Variants in DNAI3 observed in about 807,000 individuals in gnomAD.
The protein encoded by DNAI3 is dynein axonemal intermediate chain 3.
DNAI3 carries 83 observed loss-of-function variants against 115.5 expected under a neutral mutation model. The observed-to-expected ratio is 0.72, with a 90% confidence interval of 0.60 to 0.86. The LOEUF is 0.86. Ranked by LOEUF, DNAI3 falls within the 40% of genes least tolerant of loss-of-function variation. The pLI, the probability that DNAI3 is intolerant of heterozygous loss-of-function variation, is 0.00. For synonymous variants in DNAI3, 320 were observed against 347.0 expected (o/e 0.92, Z 0.86); for missense variants, 1,004 against 1,075.8 (o/e 0.93, Z 0.93).
chr1:85,096,047 T>A, intron 11 of DNAI3, 27 bp downstream of exon 11: 1 of 1,598,288 alleles, frequency 6.3e-7, no homozygotes, highest in Middle Eastern at 1.7e-4. Flanking sequence ...TTTTCAGCTA[T>A]GTATTAATGT....
chr1:85,130,470 A>G (rs1374375485), intron 22 of DNAI3, among the ~76,000 whole-genome samples: 1 of 152,210 alleles, frequency 6.6e-6, no homozygotes, highest in African/African-American at 2.4e-5. Flanking sequence ...GTGGGCTCAA[A>G]TCCCAACTCT....
intron 19 of DNAI3, among the ~76,000 whole-genome samples, chr1:85,124,816 G>T (rs1187599104): frequency 6.6e-6 from 1 of 152,178 alleles, no homozygotes; most frequent in Non-Finnish European, 1.5e-5. Flanking sequence ...TTACAGGTGT[G>T]ACACCACACC....
At chr1:85,116,807 T>C (rs899840822) in intron 16 of DNAI3, among the ~76,000 whole-genome samples, 5 of 152,222 alleles carry the variant, frequency 3.3e-5, no homozygotes, top group Non-Finnish European at 2.9e-5. Flanking sequence ...ATACTCGTTT[T>C]TGATGTCTTA....
chr1:85,096,597 A>T (rs817490), intron 11 of DNAI3, among the ~76,000 whole-genome samples: 77,176 of 150,786 alleles, frequency 0.51, 20,357 homozygotes, highest in African/African-American at 0.63. Context: ...TCAAATTTAG[A>T]TCCTATCCTC....
chr1:85,063,189 G>A (rs34422870), intron 1 of DNAI3, among the ~76,000 whole-genome samples: 33,930 of 152,114 alleles, frequency 0.22, 3,951 homozygotes, highest in South Asian at 0.28. Flanking sequence ...ACTGGAAAGT[G>A]TCAGGGAGAA....
At chr1:85,121,675 A>G in intron 17 of DNAI3, 76 bp from the exon 18 acceptor site, 1 of 1,367,774 alleles carries the variant, frequency 7.3e-7, no homozygotes, top group African/African-American at 1.4e-5. Flanking sequence ...TTAACAGTCA[A>G]TCTTAGCACA....
At chr1:85,094,911 T>A (rs1313496736) in intron 10 of DNAI3, among the ~76,000 whole-genome samples, 1 of 152,174 alleles carries the variant, frequency 6.6e-6, no homozygotes, top group Non-Finnish European at 1.5e-5. Flanking sequence ...GGGTAATAAA[T>A]AAAGGTGAAT....
In DNAI3 at chr1:85,080,663, C is replaced by T. The variant is rs1317026520; in HGVS notation, c.104-571C>T. Among the ~76,000 whole-genome samples the T allele has an allele frequency of 2.6e-5, 4 of 152,142 alleles. No individual in the cohort carries two copies. The East Asian group carries it at 7.7e-4, about 29-fold the overall frequency. On this transcript the variant is annotated intron_variant, in intron 3 of 22. Transcript: ENST00000294664. ...AAGTAATACAGGCTGAAAGCCTAAA[C>T]AAGTGGTCATACCTTCCAACAAATA...
intron 3 of DNAI3, 42 bp downstream of exon 3, chr1:85,073,134 TA>T: frequency 7.2e-7 from 1 of 1,386,360 alleles, no homozygotes; most frequent in South Asian, 1.5e-5. Context: ...CTCAGTTTTA[TA>T]ATATTTTAAT....
At chr1:85,085,697 A>G in intron 6 of DNAI3, 134 bp from the exon 7 acceptor site, 1 of 716,528 alleles carries the variant, frequency 1.4e-6, no homozygotes, top group South Asian at 1.9e-5. Flanking sequence ...GCTCATGTGA[A>G]TGGAAAGCAT....
At chr1:85,078,516 A>G (rs76408423) in intron 3 of DNAI3, among the ~76,000 whole-genome samples, 176 of 152,270 alleles carry the variant, frequency 1.2e-3, no homozygotes, top group African/African-American at 3.9e-3. Context: ...CCTTGGAGCA[A>G]CCAGCCTCCC....
chr1:85,093,410 A>G (rs367811561), intron 8 of DNAI3, 48 bp from the exon 9 acceptor site: 408 of 1,555,128 alleles, frequency 2.6e-4, no homozygotes, highest in Non-Finnish European at 3.3e-4. Flanking sequence ...ACATTATTGG[A>G]TACTAAAAAC....
intron 2 of DNAI3, 147 bp downstream of exon 2, chr1:85,072,152 A>G: frequency 1.3e-6 from 1 of 759,402 alleles, no homozygotes; most frequent in Admixed American, 3.3e-5. Flanking sequence ...ATATATGGAG[A>G]TTCATTCTTA....
At chr1:85,093,136 G>T (rs928155395) in intron 8 of DNAI3, among the ~76,000 whole-genome samples, 54 of 152,192 alleles carry the variant, frequency 3.5e-4, no homozygotes, top group African/African-American at 1.3e-3. Context: ...GCCTGCTGTG[G>T]GAGTGCTGCA....
chr1:85,062,876 C>T (rs186246616), intron 1 of DNAI3, among the ~76,000 whole-genome samples: 2 of 152,050 alleles, frequency 1.3e-5, no homozygotes, highest in Non-Finnish European at 2.9e-5. Context: ...CGTCTAGGGG[C>T]GGGGGTCAAA....
chr1:85,128,357 T>A (rs1334645819), intron 20 of DNAI3, among the ~76,000 whole-genome samples: 2 of 152,202 alleles, frequency 1.3e-5, no homozygotes, highest in African/African-American at 4.8e-5. Flanking sequence ...TGAAAATCTT[T>A]CCATGTGTTC....
chr1:85,104,625 T>C (rs1242599509), intron 14 of DNAI3, 28 bp downstream of exon 14: 2 of 1,600,334 alleles, frequency 1.2e-6, no homozygotes, highest in Non-Finnish European at 1.7e-6. Flanking sequence ...CATTTCCTAA[T>C]GTGTTTTCAT....
intron 2 of DNAI3, 137 bp downstream of exon 2, chr1:85,072,142 A>T: frequency 1.3e-6 from 1 of 793,912 alleles, no homozygotes; most frequent in Non-Finnish European, 2.0e-6. Context: ...GAGGAATAAG[A>T]TATATGGAGA....
chr1:85,124,701 G>T (rs527464310), intron 19 of DNAI3, among the ~76,000 whole-genome samples: 44 of 152,242 alleles, frequency 2.9e-4, no homozygotes, highest in African/African-American at 6.5e-4. Context: ...CAGCTTTTTT[G>T]TGTGTGTTTT....
Sources: gnomAD v4.1 joint callset for allele counts (sites outside exome capture counted in the v4.1 genomes callset) on GRCh38, gnomAD v4.1.1 for gene constraint, MANE v1.5 for transcripts, NCBI Gene and HGNC (gene_info 2026-07-23, HGNC 2026-07-21) for gene names.